HYCC1: variants seen among roughly 807,000 people sequenced by gnomAD.
The protein encoded by HYCC1 is hyccin PI4KA lipid kinase complex subunit 1, also known as hyccin.
chr7:22,975,120 C>G, the HYCC1 span, among the ~76,000 whole-genome samples: 2 of 152,162 alleles, frequency 1.3e-5, no homozygotes, highest in African/African-American at 4.8e-5. Flanking sequence ...ATAAATTCCT[C>G]AAATAGAAAT....
the HYCC1 span, among the ~76,000 whole-genome samples, chr7:23,002,925 T>G: frequency 4.6e-5 from 7 of 152,146 alleles, no homozygotes; most frequent in African/African-American, 1.7e-4. Context: ...CTATGGCTTA[T>G]AGATGGCGGT....
the HYCC1 span, among the ~76,000 whole-genome samples, chr7:22,970,642 A>T: frequency 6.6e-6 from 1 of 152,328 alleles, no homozygotes; most frequent in South Asian, 2.1e-4. Context: ...AAAATAATCT[A>T]GTCCTATCCC....
the HYCC1 span, among the ~76,000 whole-genome samples, chr7:22,969,176 T>C: frequency 6.6e-6 from 1 of 150,934 alleles, no homozygotes; most frequent in East Asian, 2.0e-4. Flanking sequence ...AGTTCTTTTT[T>C]TGTTTGTTTG....
chr7:22,923,562 TAAAG>T, the HYCC1 span, among the ~76,000 whole-genome samples: 3 of 151,484 alleles, frequency 2.0e-5, no homozygotes, highest in African/African-American at 7.3e-5. Context: ...GAGCAGAAAT[TAAAG>T]AAACAGGAAA....
At chr7:23,003,176 T>C in the HYCC1 span, among the ~76,000 whole-genome samples, 22 of 152,148 alleles carry the variant, frequency 1.4e-4, no homozygotes, top group African/African-American at 5.3e-4. Context: ...AAAGCTGCAG[T>C]AAGCTAGGGT....
At chr7:22,982,410 T>C in the HYCC1 span, among the ~76,000 whole-genome samples, 1 of 152,140 alleles carries the variant, frequency 6.6e-6, no homozygotes, top group Non-Finnish European at 1.5e-5. Flanking sequence ...CCAGTAGGAG[T>C]GGGATATTCT....
At chr7:23,004,856 A>T in the HYCC1 span, among the ~76,000 whole-genome samples, 1 of 152,066 alleles carries the variant, frequency 6.6e-6, no homozygotes, top group Non-Finnish European at 1.5e-5. Context: ...CTCAGGCTGG[A>T]GTGCAATGGT....
chr7:22,940,377 G>A, the HYCC1 span: 2 of 150,294 alleles, frequency 1.3e-5, no homozygotes, highest in Admixed American at 1.3e-4. Context: ...TCAGCCTCCT[G>A]AGTAGCTGGG....
chr7:22,998,413 C>T, the HYCC1 span, among the ~76,000 whole-genome samples: 3 of 152,164 alleles, frequency 2.0e-5, no homozygotes, highest in South Asian at 2.1e-4. Context: ...TATGGCACTA[C>T]GATGAGCACT....
At chr7:22,897,975 T>C in the HYCC1 span, among the ~76,000 whole-genome samples, 2 of 151,990 alleles carry the variant, frequency 1.3e-5, no homozygotes, top group Admixed American at 1.3e-4. Flanking sequence ...TATTTTGAGG[T>C]GATTCTTCTA....
chr7:23,006,856 A>C, the HYCC1 span, among the ~76,000 whole-genome samples: 1 of 152,234 alleles, frequency 6.6e-6, no homozygotes, highest in East Asian at 1.9e-4. Flanking sequence ...CCCTGATGCA[A>C]GGCTCACAAC....
the HYCC1 span, among the ~76,000 whole-genome samples, chr7:22,912,627 T>G: frequency 6.6e-6 from 1 of 152,074 alleles, no homozygotes; most frequent in Non-Finnish European, 1.5e-5. Flanking sequence ...CCACCCAGAA[T>G]AGTGCTTCAG....
the HYCC1 span, chr7:23,013,890 TG>T: frequency 1.3e-5 from 6 of 461,918 alleles, no homozygotes; most frequent in Non-Finnish European, 2.7e-5. Flanking sequence ...CCGGACGCCC[TG>T]GGGGCCCGGC....
chr7:22,984,749 G>T, the HYCC1 span, among the ~76,000 whole-genome samples: 3 of 151,608 alleles, frequency 2.0e-5, no homozygotes, highest in African/African-American at 4.9e-5. Context: ...ATACTCTGAC[G>T]GTTGAGCATG....
chr7:22,964,496 C>T, the HYCC1 span: 1 of 1,609,340 alleles, frequency 6.2e-7, no homozygotes, highest in Non-Finnish European at 8.5e-7. Context: ...TTTATATTTT[C>T]TTACATGTTG....
chr7:22,903,854 G>GT, the HYCC1 span, among the ~76,000 whole-genome samples: 1 of 152,144 alleles, frequency 6.6e-6, no homozygotes, highest in African/African-American at 2.4e-5. Context: ...CCAGAGAGGG[G>GT]TGGACAACCA....
chr7:22,986,445 T>C, the HYCC1 span, among the ~76,000 whole-genome samples: 1 of 152,264 alleles, frequency 6.6e-6, no homozygotes, highest in East Asian at 1.9e-4. Flanking sequence ...ACTGTACTAG[T>C]TCAAAGGTAG....
the HYCC1 span, among the ~76,000 whole-genome samples, chr7:22,927,091 A>C: frequency 6.6e-6 from 1 of 152,256 alleles, no homozygotes; most frequent in Non-Finnish European, 1.5e-5. Flanking sequence ...TACTGGATAC[A>C]TAACGAAATG....
At chr7:22,999,871 G>A in the HYCC1 span, among the ~76,000 whole-genome samples, 6 of 152,176 alleles carry the variant, frequency 3.9e-5, no homozygotes, top group Non-Finnish European at 8.8e-5. Flanking sequence ...AGGAAAATAA[G>A]TCAAGGTAGC....
Sources: gnomAD v4.1 joint callset for allele counts (sites outside exome capture counted in the v4.1 genomes callset) on GRCh38, gnomAD v4.1.1 for gene constraint, MANE v1.5 for transcripts, NCBI Gene and HGNC (gene_info 2026-07-23, HGNC 2026-07-21) for gene names.